MAD1L1: variants seen among roughly 807,000 people sequenced by gnomAD.
MAD1L1 encodes the protein mitotic spindle assembly checkpoint protein MAD1.
In MAD1L1, 95 loss-of-function variants were observed where a neutral mutation model predicts 96.9. The observed-to-expected ratio is 0.98, with a 90% CI of 0.83 to 1.16. The LOEUF (loss-of-function observed/expected upper bound fraction) is 1.16, where lower values mean the gene tolerates loss of function less well. Ranked by LOEUF, MAD1L1 falls within the 50% of genes most tolerant of loss-of-function variation. MAD1L1 has a pLI of 0.00. For synonymous variants in MAD1L1, 473 were observed against 396.6 expected (o/e 1.19, Z -2.29); for missense variants, 1,007 against 954.4 (o/e 1.06, Z -0.73).
At chr7:1,828,591 C>T (rs1267712201) in intron 18 of MAD1L1, among the ~76,000 whole-genome samples, 2 of 152,226 alleles carry the variant, frequency 1.3e-5, no homozygotes, top group Non-Finnish European at 2.9e-5. Context: ...CCCAGACAGA[C>T]GCTGCCCTGC....
At chr7:2,083,833 C>A (rs1007955038) in intron 11 of MAD1L1, among the ~76,000 whole-genome samples, 1 of 152,242 alleles carries the variant, frequency 6.6e-6, no homozygotes, top group African/African-American at 2.4e-5. Context: ...TCTCCAGGAC[C>A]TCCTGGTTGG....
chr7:2,192,017 C>T (rs1791747781), intron 10 of MAD1L1, among the ~76,000 whole-genome samples: 1 of 150,778 alleles, frequency 6.6e-6, no homozygotes, highest in South Asian at 2.1e-4. Flanking sequence ...GGTGACAGAG[C>T]GAGCCTCTGT....
intron 17 of MAD1L1, among the ~76,000 whole-genome samples, chr7:1,908,723 C>T (rs12537914): frequency 0.3 from 45,747 of 152,018 alleles, 8,213 homozygotes; most frequent in East Asian, 0.45. Flanking sequence ...GTGGAGAAGC[C>T]TGAATCCGTT....
At chr7:2,199,050 C>T (rs1792144399) in intron 10 of MAD1L1, among the ~76,000 whole-genome samples, 1 of 152,206 alleles carries the variant, frequency 6.6e-6, no homozygotes, top group African/African-American at 2.4e-5. Context: ...GGGGGCTGCC[C>T]CTCCCTGCCA....
At position 2,114,910 on chromosome 7, in the gene MAD1L1, G is replaced by A. The variant is rs922250367; in HGVS notation, c.1073+34242C>T. ...TCTGCTTTGCAAACACAAGGGCCTCGAAGCCCCGCCTTCCGGTGAGCACCG... is the reference window on the plus strand; with the variant it reads ...TCTGCTTTGCAAACACAAGGGCCTCAAAGCCCCGCCTTCCGGTGAGCACCG... On this transcript the variant is annotated intron_variant, in intron 11 of 18. Coordinates refer to ENST00000265854, the MANE Select transcript of MAD1L1 (RefSeq NM_001013836.2). The surrounding 1 kb of genome is among the most constrained non-coding windows in gnomAD (Gnocchi z 4.2). Among the ~76,000 whole-genome samples the A allele has an allele frequency of 1.3e-5, 2 of 152,178 alleles. No individual in the cohort carries two copies. Among genetic ancestry groups the A allele is most frequent in the South Asian group, 2.1e-4 (1 of 4,826 alleles).
intron 13 of MAD1L1, 106 bp downstream of exon 13, chr7:2,014,396 G>C: frequency 7.2e-7 from 1 of 1,383,746 alleles, no homozygotes; most frequent in East Asian, 2.5e-5. Context: ...GCCGGGAACT[G>C]GGGAGGCGGG....
At chr7:1,935,717 T>C (rs1301244717) in intron 17 of MAD1L1, among the ~76,000 whole-genome samples, 1 of 152,094 alleles carries the variant, frequency 6.6e-6, no homozygotes, top group African/African-American at 2.4e-5. Context: ...CGATGGCAAG[T>C]AGGTGGGAAG....
chr7:1,950,395 C>T (rs1388182517), intron 16 of MAD1L1, among the ~76,000 whole-genome samples: 1 of 152,240 alleles, frequency 6.6e-6, no homozygotes. Context: ...TGAAAGCTCC[C>T]CTGACCTCAG....
At chr7:1,843,039 G>C (rs1399632611) in intron 18 of MAD1L1, among the ~76,000 whole-genome samples, 1 of 152,240 alleles carries the variant, frequency 6.6e-6, no homozygotes, top group Non-Finnish European at 1.5e-5. Flanking sequence ...CATTCCTTGA[G>C]TGTGTCAGTC....
chr7:2,217,858 A>G, intron 7 of MAD1L1, 104 bp downstream of exon 7: 2 of 964,172 alleles, frequency 2.1e-6, no homozygotes, highest in South Asian at 2.7e-5. Flanking sequence ...CTAACCTCAC[A>G]GAAGGACCAC....
At position 1,849,783 on chromosome 7, in the gene MAD1L1, G is replaced by A. The variant is rs879041189; in HGVS notation, c.1999-33555C>T. ...GGAGGGCCCTGAGGGGCTGTGGAGG[G>A]AAGGTGACCCCGCAGTGGCAGCGGC... is the stretch of plus-strand genomic sequence containing the variant. On this transcript the variant is annotated intron_variant, in intron 18 of 18. Transcript: ENST00000265854. 7.0e-5 allele frequency: 10 copies of A among 143,600 alleles called. No individual in the cohort carries two copies. The South Asian group carries it at 2.4e-3, about 35-fold the overall frequency. 8.9% of individuals were successfully genotyped at this position (143,600 alleles called of 1,614,324 possible). A position where few individuals can be genotyped will look rare whatever the true frequency, so the allele number is the denominator to read the frequency against.
intron 17 of MAD1L1, among the ~76,000 whole-genome samples, chr7:1,908,912 G>A (rs546148582): frequency 2.6e-4 from 40 of 152,172 alleles, no homozygotes; most frequent in African/African-American, 9.2e-4. Flanking sequence ...CCCTGGCGGC[G>A]GCTGGGCGCC....
chr7:2,185,532 T>C (rs772608845), intron 10 of MAD1L1, among the ~76,000 whole-genome samples: 7 of 152,368 alleles, frequency 4.6e-5, no homozygotes, highest in African/African-American at 1.2e-4. Context: ...AATAGATAGT[T>C]TCTTTTTTTA....
chr7:2,139,933 T>C (rs1788942522), intron 11 of MAD1L1, among the ~76,000 whole-genome samples: 1 of 150,668 alleles, frequency 6.6e-6, no homozygotes, highest in Non-Finnish European at 1.5e-5. Flanking sequence ...CCAAGTAGAG[T>C]CTCTTTCCCC....
rs1431584426 is a variant in MAD1L1, at chr7:2,146,495, G to A, written c.1073+2657C>T. The stretch of plus-strand genomic sequence containing the variant: ...TTCACTACCAGGGAAAGATGGACAC[G>A]GCCAACATACTTGGTAAAAACTGCA... On this transcript the variant is annotated intron_variant, in intron 11 of 18. Coordinates refer to ENST00000265854, the MANE Select transcript of MAD1L1 (RefSeq NM_001013836.2). This position sits in a 1 kb window ranked among gnomAD's most constrained non-coding sequence, Gnocchi z 6.2. 1.3e-5 allele frequency among the ~76,000 whole-genome samples: 2 copies of A among 152,198 alleles called. No individual in the cohort carries two copies. The highest frequency in any genetic ancestry group is 4.8e-5 in the African/African-American group (2 of 41,434).
chr7:2,091,866 C>A (rs1318753658), intron 11 of MAD1L1, among the ~76,000 whole-genome samples: 3 of 152,032 alleles, frequency 2.0e-5, no homozygotes, highest in African/African-American at 7.3e-5. Context: ...CACAAATGTA[C>A]TAATTTGTTT....
intron 10 of MAD1L1, among the ~76,000 whole-genome samples, chr7:2,202,761 G>C (rs1214692416): frequency 1.3e-5 from 2 of 152,168 alleles, no homozygotes; most frequent in Non-Finnish European, 2.9e-5. Context: ...TACAAATCAC[G>C]CGCACGGTAA....
intron 12 of MAD1L1, among the ~76,000 whole-genome samples, chr7:2,059,549 G>A (rs1245328218): frequency 6.6e-6 from 1 of 150,926 alleles, no homozygotes; most frequent in African/African-American, 2.4e-5. Context: ...GGAGAGGCAA[G>A]GGGCTGGCGG....
chr7:2,110,390 AGCCAC>A (rs1787318154), intron 11 of MAD1L1, among the ~76,000 whole-genome samples: 1 of 152,256 alleles, frequency 6.6e-6, no homozygotes, highest in Admixed American at 6.5e-5. Context: ...CCGGCTCAGA[AGCCAC>A]GCCCAAAGCG....
Sources: allele counts gnomAD v4.1 joint callset (sites outside exome capture counted in the v4.1 genomes callset), GRCh38; gene constraint gnomAD v4.1.1; non-coding constraint Gnocchi (gnomAD v3.1); transcripts MANE v1.5; gene names NCBI Gene and HGNC (gene_info 2026-07-23, HGNC 2026-07-21).